Variants in SORCS2 observed in about 807,000 individuals in gnomAD.
SORCS2 encodes the protein VPS10 domain-containing receptor SorCS2.
SORCS2 carries 100 observed loss-of-function variants against 141.6 expected under a neutral mutation model. The ratio of observed to expected loss-of-function variants is 0.71; its 90% confidence interval spans 0.60 to 0.83. The LOEUF (loss-of-function observed/expected upper bound fraction) is 0.83, where lower values mean the gene tolerates loss of function less well. SORCS2 is among the 40% of genes least tolerant of loss of function. The pLI, the probability that SORCS2 is intolerant of heterozygous loss-of-function variation, is 0.00. For synonymous variants in SORCS2, 789 were observed against 676.9 expected, an observed-to-expected ratio of 1.17 and a Z score of -2.57; for missense variants, 1,646 against 1,560.2, an observed-to-expected ratio of 1.05 and a Z score of -0.93.
intron 3 of SORCS2, among the ~76,000 whole-genome samples, chr4:7,595,193 G>A (rs774133025): frequency 1.1e-4 from 16 of 152,094 alleles, no homozygotes; most frequent in Non-Finnish European, 1.9e-4. Context: ...TGCTATTACC[G>A]GTTTATTATG....
intron 3 of SORCS2, among the ~76,000 whole-genome samples, chr4:7,616,439 C>T (rs866913913): frequency 1.6e-4 from 25 of 152,220 alleles, no homozygotes; most frequent in Admixed American, 2.6e-4. Context: ...TCCATCCATC[C>T]ATCCACCCAT....
intron 1 of SORCS2, among the ~76,000 whole-genome samples, chr4:7,266,542 C>G (rs1165779205): frequency 6.6e-6 from 1 of 152,192 alleles, no homozygotes; most frequent in Non-Finnish European, 1.5e-5. Context: ...AGTTCCTACC[C>G]AAAGCATCTG....
At chr4:7,407,077 G>T (rs1187402377) in intron 2 of SORCS2, among the ~76,000 whole-genome samples, 3 of 152,022 alleles carry the variant, frequency 2.0e-5, no homozygotes, top group African/African-American at 7.2e-5. Context: ...TTAAAAATTT[G>T]TTCAGACCTG....
intron 2 of SORCS2, among the ~76,000 whole-genome samples, chr4:7,426,539 T>A (rs13125782): frequency 3.9e-5 from 6 of 152,090 alleles, no homozygotes; most frequent in African/African-American, 7.2e-5. Context: ...GCCTGAGCAA[T>A]GTAGCAAGAC....
At chr4:7,508,694 G>A (rs1732424197) in intron 2 of SORCS2, among the ~76,000 whole-genome samples, 1 of 152,016 alleles carries the variant, frequency 6.6e-6, no homozygotes, top group African/African-American at 2.4e-5. Flanking sequence ...AGCTTTTACA[G>A]TGCATGCGTT....
At chr4:7,499,576 G>A (rs1282833802) in intron 2 of SORCS2, among the ~76,000 whole-genome samples, 2 of 152,062 alleles carry the variant, frequency 1.3e-5, no homozygotes, top group South Asian at 2.1e-4. Context: ...ACTGGCTGGC[G>A]GGTGGGGGCC....
rs868110602 is a variant in SORCS2, at chr4:7,305,311, G to A, written c.481-90977G>A. ...CTCCCAAAGTGCTGGGATCACAGGC[G>A]TGAGCCACCACGCACGGCCCATTCT... is the stretch of plus-strand genomic sequence containing the variant. On this transcript the variant is annotated intron_variant, in intron 1 of 26. Transcript: ENST00000507866. 9.9e-5 allele frequency among the ~76,000 whole-genome samples: 15 copies of A among 151,564 alleles called. No individual in the cohort carries two copies. The East Asian group carries it at 1.6e-3, about 16-fold the overall frequency.
At chr4:7,626,472 T>C (rs1719520979) in intron 3 of SORCS2, among the ~76,000 whole-genome samples, 1 of 152,236 alleles carries the variant, frequency 6.6e-6, no homozygotes, top group Non-Finnish European at 1.5e-5. Flanking sequence ...AAATGTACTA[T>C]CGTCTCGTCA....
intron 11 of SORCS2, among the ~76,000 whole-genome samples, chr4:7,693,802 G>A (rs543432399): frequency 2.6e-5 from 4 of 152,340 alleles, no homozygotes; most frequent in South Asian, 2.1e-4. Flanking sequence ...CTTTTTTGGC[G>A]ACTCGGCCAG....
intron 2 of SORCS2, among the ~76,000 whole-genome samples, chr4:7,404,610 G>A (rs1471988331): frequency 6.6e-6 from 1 of 152,076 alleles, no homozygotes; most frequent in Admixed American, 6.6e-5. Context: ...TGGTGATGTT[G>A]AGCATTTTTT....
intron 18 of SORCS2, among the ~76,000 whole-genome samples, chr4:7,718,703 T>G (rs1368175373): frequency 6.6e-6 from 1 of 152,224 alleles, no homozygotes; most frequent in Non-Finnish European, 1.5e-5. Flanking sequence ...CCTCCCAGCC[T>G]CCCAGGCTTG....
intron 1 of SORCS2, among the ~76,000 whole-genome samples, chr4:7,387,748 A>G (rs556482267): frequency 5.3e-4 from 81 of 151,440 alleles, no homozygotes; most frequent in African/African-American, 1.7e-3. Flanking sequence ...ACATGCACAC[A>G]CAGATACACA....
At chr4:7,203,881 C>T (rs753937193) in intron 1 of SORCS2, among the ~76,000 whole-genome samples, 42 of 152,304 alleles carry the variant, frequency 2.8e-4, no homozygotes, top group Middle Eastern at 3.4e-3. Flanking sequence ...ATTTGATGCT[C>T]TAATGGCCTC....
intron 2 of SORCS2, among the ~76,000 whole-genome samples, chr4:7,476,018 C>T: frequency 6.6e-6 from 1 of 152,148 alleles, no homozygotes; most frequent in East Asian, 1.9e-4. Flanking sequence ...ACTGTGGGCC[C>T]AAGCGGAAGG....
chr4:7,511,498 GACAGAGAA>G (rs1380625473), intron 2 of SORCS2, among the ~76,000 whole-genome samples: 1 of 151,774 alleles, frequency 6.6e-6, no homozygotes, highest in African/African-American at 2.4e-5. Flanking sequence ...TGGAGAGAGA[GACAGAGAA>G]ACAGAGAAAG....
intron 2 of SORCS2, among the ~76,000 whole-genome samples, chr4:7,492,449 T>C (rs535423684): frequency 1.3e-5 from 2 of 152,230 alleles, no homozygotes; most frequent in African/African-American, 4.8e-5. Context: ...GCGGTGTGGA[T>C]ACACCAGGGT....
intron 1 of SORCS2, among the ~76,000 whole-genome samples, chr4:7,359,895 G>A (rs1721477894): frequency 6.6e-6 from 1 of 152,148 alleles, no homozygotes; most frequent in Non-Finnish European, 1.5e-5. Context: ...AAGTGAGGAG[G>A]GCAGCCTGGG....
intron 1 of SORCS2, among the ~76,000 whole-genome samples, chr4:7,222,992 C>T (rs1577293966): frequency 2.0e-5 from 3 of 152,146 alleles, no homozygotes; most frequent in African/African-American, 7.2e-5. Flanking sequence ...GGGAGGGCTC[C>T]TCTGCCTGGA....
intron 1 of SORCS2, among the ~76,000 whole-genome samples, chr4:7,301,049 T>C (rs1717395680): frequency 6.6e-6 from 1 of 152,128 alleles, no homozygotes; most frequent in Non-Finnish European, 1.5e-5. Context: ...CCAGAGCTGG[T>C]TTAGCAGCAT....
Sources: gnomAD v4.1 joint callset for allele counts (sites outside exome capture counted in the v4.1 genomes callset) on GRCh38, gnomAD v4.1.1 for gene constraint, MANE v1.5 for transcripts, NCBI Gene and HGNC (gene_info 2026-07-23, HGNC 2026-07-21) for gene names.